B3GALT1: variants seen among roughly 807,000 people sequenced by gnomAD.
B3GALT1 encodes the protein UDP-Gal:betaGlcNAc beta 1,3-galactosyltransferase, polypeptide 1.
A neutral mutation model predicts 23.2 loss-of-function variants in B3GALT1; 10 were observed. That is an observed-to-expected ratio of 0.43 (90% CI 0.27 to 0.73). The LOEUF (loss-of-function observed/expected upper bound fraction) is 0.73, where lower values mean the gene tolerates loss of function less well. Ranked by LOEUF, B3GALT1 falls within the 30% of genes least tolerant of loss-of-function variation. The pLI is 0.21. For missense variants in B3GALT1, 299 were observed against 405.4 expected, an observed-to-expected ratio of 0.74 and a Z score of 2.25; for synonymous variants, 156 against 141.5, an observed-to-expected ratio of 1.10 and a Z score of -0.73.
chr2:167,582,833 C>T (rs371790748), intron 2 of B3GALT1, among the ~76,000 whole-genome samples: 1 of 152,164 alleles, frequency 6.6e-6, no homozygotes, highest in Non-Finnish European at 1.5e-5. Context: ...ACATCTAAAT[C>T]AAGGCCCCGC....
At chr2:167,472,920 T>A (rs1393521873) in intron 1 of B3GALT1, among the ~76,000 whole-genome samples, 1 of 152,156 alleles carries the variant, frequency 6.6e-6, no homozygotes, top group Non-Finnish European at 1.5e-5. Context: ...GTCCTTCTGA[T>A]TTTTTTGTGA....
Position 167,359,565 on chromosome 2 carries a change from T to A in B3GALT1, c.-511+66231T>A, listed in dbSNP as rs147910255. 4.5e-3 allele frequency among the ~76,000 whole-genome samples: 679 copies of A among 152,320 alleles called. 4 individuals carry two copies. Among genetic ancestry groups the A allele is most frequent in the African/African-American group, 0.015 (621 of 41,574 alleles). On this transcript the variant is annotated intron_variant, in intron 1 of 4. Transcript: ENST00000392690. ...TCACATTTTGAGAACATCACAGTAC[T>A]ACCTATGGGCAGCAGCTAAGCTGCC... is the stretch of plus-strand genomic sequence containing the variant.
intron 3 of B3GALT1, among the ~76,000 whole-genome samples, chr2:167,653,514 A>G (rs1685901422): frequency 6.6e-6 from 1 of 152,204 alleles, no homozygotes; most frequent in Admixed American, 6.5e-5. Flanking sequence ...TAGAAATTGC[A>G]GAAAGAGCAG....
intron 3 of B3GALT1, among the ~76,000 whole-genome samples, chr2:167,811,807 A>G (rs1409161082): frequency 6.6e-6 from 1 of 152,168 alleles, no homozygotes; most frequent in Non-Finnish European, 1.5e-5. Context: ...TAATTCCTGG[A>G]TATATAATGG....
At chr2:167,663,967 G>T (rs1258511979) in intron 3 of B3GALT1, among the ~76,000 whole-genome samples, 34 of 150,970 alleles carry the variant, frequency 2.3e-4, no homozygotes, top group East Asian at 9.8e-4. Flanking sequence ...TTAGTTTAAT[G>T]AGATCCCATT....
rs577118437 is a variant in B3GALT1 at position 167,686,886 on chromosome 2, G to A, written c.-352+39920G>A. Among the ~76,000 whole-genome samples the A allele has an allele frequency of 1.6e-4, 24 of 152,274 alleles. No individual in the cohort carries two copies. The East Asian group carries it at 3.9e-3, about 25-fold the overall frequency. ...TCCTGAGCAGCACGTCAGGCCCTCT[G>A]CTGATTCCTGTAACGCGGACAGTCA... is the stretch of plus-strand genomic sequence containing the variant. On this transcript the variant is annotated intron_variant, in intron 3 of 4. Transcript: ENST00000392690.
intron 2 of B3GALT1, among the ~76,000 whole-genome samples, chr2:167,552,157 C>T (rs1683760434): frequency 6.6e-6 from 1 of 152,144 alleles, no homozygotes; most frequent in Non-Finnish European, 1.5e-5. Context: ...TTCCCCCTAA[C>T]TAACTGGATG....
intron 3 of B3GALT1, among the ~76,000 whole-genome samples, chr2:167,747,459 T>C (rs1687669752): frequency 6.6e-6 from 1 of 152,214 alleles, no homozygotes; most frequent in South Asian, 2.1e-4. Context: ...ATTAGACAGA[T>C]ACAGCTTGAA....
intron 1 of B3GALT1, among the ~76,000 whole-genome samples, chr2:167,381,181 C>T (rs1010896534): frequency 7.2e-5 from 11 of 152,158 alleles, no homozygotes; most frequent in Admixed American, 5.9e-4. Flanking sequence ...GATCCTCCCA[C>T]CTCAGCCTTC....
chr2:167,822,755 T>G (rs1213326230), intron 4 of B3GALT1, among the ~76,000 whole-genome samples: 1 of 152,156 alleles, frequency 6.6e-6, no homozygotes, highest in African/African-American at 2.4e-5. Context: ...CCACTCAAAA[T>G]TCACTCCTCC....
At chr2:167,365,821 CAAT>C (rs1368487139) in intron 1 of B3GALT1, among the ~76,000 whole-genome samples, 13 of 152,186 alleles carry the variant, frequency 8.5e-5, no homozygotes, top group African/African-American at 3.1e-4. Flanking sequence ...ATAATAATGA[CAAT>C]AATTATTGAA....
chr2:167,579,420 G>GTTTTTTTTTTTTT (rs745735602), intron 2 of B3GALT1, among the ~76,000 whole-genome samples: 1 of 93,058 alleles, frequency 1.1e-5, no homozygotes, highest in African/African-American at 4.7e-5. Flanking sequence ...TTTTGGTTTT[G>GTTTTTTTTTTTTT]TTTTTTTTTG....
Position 167,490,286 on chromosome 2 carries a change from C to T in B3GALT1, c.-410+9C>T, listed in dbSNP as rs925669500. 6.6e-6 allele frequency: 1 copy of T among 152,046 alleles called. No homozygotes were observed. Among genetic ancestry groups the T allele is most frequent in the African/African-American group, 2.4e-5 (1 of 41,404 alleles). 9.4% of individuals were successfully genotyped at this position (152,046 alleles called of 1,614,324 possible). On this transcript the variant is annotated intron_variant, in intron 2 of 4. Transcript: ENST00000392690. ...GAAATTTTCATCATAGGGTAATAGC[C>T]GATTCCTATTTTTGATTTGATAGTC... is the stretch of plus-strand genomic sequence containing the variant.
chr2:167,841,586 T>C (rs1207909051), intron 4 of B3GALT1, among the ~76,000 whole-genome samples: 1 of 152,236 alleles, frequency 6.6e-6, no homozygotes, highest in African/African-American at 2.4e-5. Flanking sequence ...CTGTGAAATA[T>C]ACAAATGAAA....
At chr2:167,631,083 A>T (rs1018375199) in intron 2 of B3GALT1, among the ~76,000 whole-genome samples, 1 of 151,900 alleles carries the variant, frequency 6.6e-6, no homozygotes, top group Non-Finnish European at 1.5e-5. Flanking sequence ...TACCATATTC[A>T]TATGTTGCTT....
intron 3 of B3GALT1, among the ~76,000 whole-genome samples, chr2:167,662,159 A>C (rs1215746220): frequency 1.3e-5 from 2 of 152,102 alleles, no homozygotes; most frequent in Non-Finnish European, 2.9e-5. Flanking sequence ...AATTCAAATA[A>C]AAATATTGTT....
chr2:167,767,375 T>C (rs867003623), intron 3 of B3GALT1, among the ~76,000 whole-genome samples: 5 of 152,322 alleles, frequency 3.3e-5, no homozygotes, highest in African/African-American at 1.2e-4. Context: ...ATAAACTTTT[T>C]GTAAAGTATC....
rs1037092352 is a variant in B3GALT1, at chr2:167,773,488, G to A, written c.-351-45184G>A. ...ATAAAATAATAAGCAGCAGTCACAC[G>A]TTAGGTTTGGGACCTTGTATAGACT... On this transcript the variant is annotated intron_variant, in intron 3 of 4. Transcript: ENST00000392690. Among the ~76,000 whole-genome samples the A allele has an allele frequency of 6.6e-5, 10 of 152,252 alleles. 1 individual carries two copies. In the South Asian group the frequency reaches 1.4e-3, roughly 22 times the overall value.
chr2:167,534,673 C>A (rs1167077521), intron 2 of B3GALT1, among the ~76,000 whole-genome samples: 3 of 152,142 alleles, frequency 2.0e-5, no homozygotes, highest in Non-Finnish European at 2.9e-5. Flanking sequence ...CCTTTAATTT[C>A]TCTGCCAAGC....
Sources: gnomAD v4.1 joint callset for allele counts (sites outside exome capture counted in the v4.1 genomes callset) on GRCh38, gnomAD v4.1.1 for gene constraint, MANE v1.5 for transcripts, NCBI Gene and HGNC (gene_info 2026-07-23, HGNC 2026-07-21) for gene names.